CFAP299: variants seen among roughly 807,000 people sequenced by gnomAD.
The protein encoded by CFAP299 is cilia- and flagella-associated protein 299.
A neutral mutation model predicts 27.0 loss-of-function variants in CFAP299; 21 were observed. That is an observed-to-expected ratio of 0.78 (90% CI 0.55 to 1.12). The LOEUF is 1.12. Ranked by LOEUF, CFAP299 falls within the 50% of genes most tolerant of loss-of-function variation. The pLI, the probability that CFAP299 is intolerant of heterozygous loss-of-function variation, is 0.00. For synonymous variants in CFAP299, 104 were observed against 98.1 expected (o/e 1.06, Z -0.36); for missense variants, 310 against 276.6 (o/e 1.12, Z -0.86).
chr4:80,884,722 A>G (rs750040124), intron 4 of CFAP299, among the ~76,000 whole-genome samples: 10 of 148,328 alleles, frequency 6.7e-5, no homozygotes, highest in Non-Finnish European at 1.3e-4. Flanking sequence ...TAAAATAAAC[A>G]AAGTTGACAT....
intron 2 of CFAP299, among the ~76,000 whole-genome samples, chr4:80,384,617 C>A (rs1023389856): frequency 6.6e-6 from 1 of 152,002 alleles, no homozygotes; most frequent in Non-Finnish European, 1.5e-5. Flanking sequence ...TTTTAATGAT[C>A]GAGTAGGACA....
intron 2 of CFAP299, among the ~76,000 whole-genome samples, chr4:80,432,545 T>TTG (rs1553922751): frequency 1.4e-4 from 21 of 149,506 alleles, no homozygotes; most frequent in Non-Finnish European, 3.0e-4. Context: ...TTTTTTTTTT[T>TTG]TTTTTGAGAC....
chr4:80,442,046 G>A (rs1728385458), intron 2 of CFAP299, among the ~76,000 whole-genome samples: 1 of 152,128 alleles, frequency 6.6e-6, no homozygotes, highest in Admixed American at 6.6e-5. Context: ...GGAGCACACA[G>A]ATTCATAAAG....
chr4:80,815,894 G>T (rs1313145949), intron 3 of CFAP299, among the ~76,000 whole-genome samples: 1 of 151,870 alleles, frequency 6.6e-6, no homozygotes, highest in Non-Finnish European at 1.5e-5. Context: ...AACTAGGGTT[G>T]TTATAGAAAA....
intron 3 of CFAP299, among the ~76,000 whole-genome samples, chr4:80,628,570 G>T (rs1739036182): frequency 6.6e-6 from 1 of 152,212 alleles, no homozygotes. Flanking sequence ...GAAAATGTTT[G>T]CAAACTGTAT....
intron 2 of CFAP299, among the ~76,000 whole-genome samples, chr4:80,501,698 AAC>A (rs1466485130): frequency 6.6e-6 from 1 of 151,594 alleles, no homozygotes; most frequent in Non-Finnish European, 1.5e-5. Context: ...AACATTTGTA[AAC>A]ACAGAAAAAA....
intron 4 of CFAP299, among the ~76,000 whole-genome samples, chr4:80,882,506 C>T (rs1733755455): frequency 6.6e-6 from 1 of 152,010 alleles, no homozygotes; most frequent in Non-Finnish European, 1.5e-5. Flanking sequence ...GGCGCGGTGG[C>T]AGGCGCCTGT....
At chr4:80,369,092 C>A (rs371300786) in intron 2 of CFAP299, among the ~76,000 whole-genome samples, 1 of 152,176 alleles carries the variant, frequency 6.6e-6, no homozygotes, top group Non-Finnish European at 1.5e-5. Flanking sequence ...AATAGCCAGG[C>A]CTTAGTATCT....
At chr4:80,871,564 C>T in intron 4 of CFAP299, 1 of 985,410 alleles carries the variant, frequency 1.0e-6, no homozygotes, top group South Asian at 4.7e-5. Context: ...CCTGTCTTGG[C>T]AAATGGCATC....
chr4:80,902,347 T>A (rs1359744817), intron 4 of CFAP299, among the ~76,000 whole-genome samples: 3 of 145,284 alleles, frequency 2.1e-5, no homozygotes, highest in African/African-American at 7.6e-5. Context: ...TCCATATATA[T>A]GGATATATAT....
At chr4:80,851,703 T>A (rs1731531679) in intron 3 of CFAP299, among the ~76,000 whole-genome samples, 1 of 152,098 alleles carries the variant, frequency 6.6e-6, no homozygotes, top group Non-Finnish European at 1.5e-5. Flanking sequence ...AAATAGTAAT[T>A]TGAGTATGAA....
chr4:80,923,527 A>C (rs1475858091), intron 4 of CFAP299, among the ~76,000 whole-genome samples: 1 of 152,034 alleles, frequency 6.6e-6, no homozygotes, highest in African/African-American at 2.4e-5. Context: ...GTGCATGAAT[A>C]TGTTTATTTG....
intron 2 of CFAP299, among the ~76,000 whole-genome samples, chr4:80,424,638 T>C (rs1365074040): frequency 6.6e-6 from 1 of 152,180 alleles, no homozygotes; most frequent in Non-Finnish European, 1.5e-5. Flanking sequence ...ACCTTTTTCT[T>C]GCTGAGAGTG....
intron 3 of CFAP299, among the ~76,000 whole-genome samples, chr4:80,623,299 A>C (rs990347114): frequency 6.6e-6 from 1 of 152,208 alleles, no homozygotes; most frequent in Non-Finnish European, 1.5e-5. Flanking sequence ...ATGCACAAGA[A>C]TATGTCCAAG....
chr4:80,450,874 T>C (rs1290306170), intron 2 of CFAP299, among the ~76,000 whole-genome samples: 2 of 147,280 alleles, frequency 1.4e-5, no homozygotes, highest in African/African-American at 5.0e-5. Context: ...ATTTAAAAAA[T>C]AATGGATTAA....
At chr4:80,503,406 T>C (rs550851285) in intron 2 of CFAP299, among the ~76,000 whole-genome samples, 1 of 152,270 alleles carries the variant, frequency 6.6e-6, no homozygotes, top group Admixed American at 6.5e-5. Flanking sequence ...CCCAATAAAA[T>C]ATTGTTTTTC....
chr4:80,855,444 T>C (rs561809800), intron 3 of CFAP299, among the ~76,000 whole-genome samples: 11 of 152,294 alleles, frequency 7.2e-5, no homozygotes, highest in Admixed American at 6.5e-4. Context: ...TTATGGTACA[T>C]GTGCACAATG....
intron 2 of CFAP299, among the ~76,000 whole-genome samples, chr4:80,391,265 T>A (rs939125610): frequency 8.5e-5 from 13 of 152,266 alleles, no homozygotes; most frequent in African/African-American, 3.1e-4. Flanking sequence ...ATGTGGTAGT[T>A]CTATTTTTAA....
intron 2 of CFAP299, among the ~76,000 whole-genome samples, chr4:80,535,326 C>G (rs1733672881): frequency 6.6e-6 from 1 of 150,862 alleles, no homozygotes. Flanking sequence ...TAATTTCACA[C>G]TAGAACTGAA....
Sources: gnomAD v4.1 joint callset for allele counts (sites outside exome capture counted in the v4.1 genomes callset) on GRCh38, gnomAD v4.1.1 for gene constraint, MANE v1.5 for transcripts, NCBI Gene and HGNC (gene_info 2026-07-23, HGNC 2026-07-21) for gene names.